PLEKHA7: variants seen among roughly 807,000 people sequenced by gnomAD.
PLEKHA7 encodes pleckstrin homology domain-containing family A member 7.
A neutral mutation model predicts 170.0 loss-of-function variants in PLEKHA7; 104 were observed. The ratio of observed to expected loss-of-function variants is 0.61; its 90% confidence interval spans 0.52 to 0.72. The LOEUF (loss-of-function observed/expected upper bound fraction) is 0.72, where lower values mean the gene tolerates loss of function less well. Among genes scored for constraint, PLEKHA7 ranks in the 30% least tolerant of loss-of-function variants. The pLI, the probability that PLEKHA7 is intolerant of heterozygous loss-of-function variation, is 0.00. For synonymous variants in PLEKHA7, 648 were observed against 660.8 expected, an observed-to-expected ratio of 0.98 and a Z score of 0.30; for missense variants, 1,615 against 1,671.7, an observed-to-expected ratio of 0.97 and a Z score of 0.59.
At chr11:16,942,448 T>C (rs527427167) in intron 3 of PLEKHA7, among the ~76,000 whole-genome samples, 90 of 152,328 alleles carry the variant, frequency 5.9e-4, no homozygotes, top group African/African-American at 2.1e-3. Flanking sequence ...TTCACTGCTC[T>C]GAACTCCCAG....
At chr11:16,955,444 C>T (rs78497724) in intron 3 of PLEKHA7, among the ~76,000 whole-genome samples, 3,209 of 152,284 alleles carry the variant, frequency 0.021, 54 homozygotes, top group Middle Eastern at 0.054. Context: ...TCCCACTGAA[C>T]TGGGCTTAAA....
intron 9 of PLEKHA7, among the ~76,000 whole-genome samples, chr11:16,837,303 A>C (rs1360545413): frequency 6.6e-6 from 1 of 152,248 alleles, no homozygotes; most frequent in East Asian, 1.9e-4. Context: ...GATGCTAAAA[A>C]ATACCCAAAT....
chr11:16,790,708 C>A (rs909778421), intron 21 of PLEKHA7, 90 bp downstream of exon 21: 2 of 1,327,008 alleles, frequency 1.5e-6, no homozygotes, highest in Non-Finnish European at 2.1e-6. Context: ...AGGCCTAGAG[C>A]TGCAGGCAGA....
At position 16,783,755 on chromosome 11, in the gene PLEKHA7, GCTC is replaced by G; in HGVS notation, c.3592_3594del (p.Glu1198del). ...TCGGCTTTGCGGTACCGCGCCTGCA[GCTC>G]CTCAAGGCTGGGTGGCTCTTCGGGA... On this transcript the variant is annotated inframe_deletion, in exon 25 of 27. Transcript: ENST00000531066. The G allele has an allele frequency of 2.0e-6, 3 of 1,510,622 alleles. No homozygotes were observed. Among genetic ancestry groups the G allele is most frequent in the South Asian group, 1.2e-5 (1 of 80,380 alleles). The allele number at this position is 1,510,622 out of a possible 1,614,324, so 93.6% of individuals were successfully genotyped here. A position where few individuals can be genotyped will look rare whatever the true frequency, so the allele number is the denominator to read the frequency against.
Position 17,014,383 on chromosome 11 carries a change from C to A in PLEKHA7, c.19G>T (p.Gly7Trp). The A allele has an allele frequency of 7.2e-7, 1 of 1,380,800 alleles. No individual in the cohort carries two copies. Among genetic ancestry groups the A allele is most frequent in the East Asian group, 3.2e-5 (1 of 30,876 alleles). 85.5% of individuals were successfully genotyped at this position (1,380,800 alleles called of 1,614,324 possible). MAAATVGRDTLPEHWSY... is the reference protein window; with the variant it reads MAAATVWRDTLPEHWSY... ...CAATGCTCAGGTAAAGTGTCCCGCC[C>A]GACCGTCGCCGCCGCCATGTTCGCC... Residue 7 changes from glycine to tryptophan, a missense_variant, in exon 1 of 27, where the codon GGG (glycine) becomes TGG (tryptophan). Gly to Trp is a radical substitution (Grantham distance 184, BLOSUM62 -2). Transcript: ENST00000531066.
chr11:17,000,614 T>TTGAA (rs1367862800), intron 3 of PLEKHA7, among the ~76,000 whole-genome samples: 1 of 152,192 alleles, frequency 6.6e-6, no homozygotes, highest in Admixed American at 6.5e-5. Flanking sequence ...CCAGGCCACA[T>TTGAA]TTCACCTTAG....
chr11:16,809,696 G>C (rs1038743454), intron 13 of PLEKHA7, among the ~76,000 whole-genome samples: 1 of 152,196 alleles, frequency 6.6e-6, no homozygotes, highest in Non-Finnish European at 1.5e-5. Flanking sequence ...AGCCTCAGTT[G>C]TACCCTAGTG....
In PLEKHA7 at chr11:16,782,775, G is replaced by A. The variant is rs1222220199; in HGVS notation, c.3772C>T (p.Gln1258Ter). 1.3e-6 allele frequency: 2 copies of A among 1,536,154 alleles called. No homozygotes were observed. Among genetic ancestry groups the A allele is most frequent in the Non-Finnish European group, 8.7e-7 (1 of 1,146,894 alleles). ...TTACCTGCCACCTGCTTGCTACGCT[G>A]GGAGGCCTCGGAGGCCAGGGCGTAG... is the stretch of plus-strand genomic sequence containing the variant. ...ISYALASEAS[Q>*]RSKQVAAQAV... The change falls in exon 26 of 27, where the codon CAG (glutamine) becomes TAG (stop). Residue 1258 changes from glutamine to a stop codon, truncating the protein, a stop_gained. Transcript: ENST00000531066. LOFTEE classifies it high-confidence loss of function.
At chr11:16,847,829 C>T (rs1040262460) in intron 8 of PLEKHA7, among the ~76,000 whole-genome samples, 18 of 122,078 alleles carry the variant, frequency 1.5e-4, no homozygotes, top group South Asian at 1.4e-3. Flanking sequence ...GCGACAAGAG[C>T]GAAATTCTGT....
At position 16,856,360 on chromosome 11, in the gene PLEKHA7, C is replaced by T. The variant is rs141745940; in HGVS notation, c.306-446G>A. Among the ~76,000 whole-genome samples the T allele has an allele frequency of 8.6e-3, 1,317 of 152,284 alleles. 21 individuals carry two copies. Among genetic ancestry groups the T allele is most frequent in the African/African-American group, 0.029 (1,218 of 41,556 alleles). On this transcript the variant is annotated intron_variant, in intron 4 of 26. Transcript: ENST00000531066. ...ATAATTAGTAACAAGAAATCACTTGCGCACACAACCACACCCCCAGCTACA... is the reference window on the plus strand; with the variant it reads ...ATAATTAGTAACAAGAAATCACTTGTGCACACAACCACACCCCCAGCTACA...
At chr11:16,937,718 C>T (rs1007231639) in intron 3 of PLEKHA7, among the ~76,000 whole-genome samples, 26 of 152,078 alleles carry the variant, frequency 1.7e-4, no homozygotes, top group Non-Finnish European at 3.7e-4. Context: ...AAGCGAGTCT[C>T]CTGCCTCAGC....
At chr11:16,802,660 G>A (rs903362132) in intron 15 of PLEKHA7, among the ~76,000 whole-genome samples, 2 of 151,834 alleles carry the variant, frequency 1.3e-5, no homozygotes, top group Non-Finnish European at 2.9e-5. Context: ...CAATTCTTCT[G>A]CCTCAGCCTC....
intron 3 of PLEKHA7, among the ~76,000 whole-genome samples, chr11:16,992,942 C>T (rs768722075): frequency 1.3e-5 from 2 of 152,164 alleles, no homozygotes; most frequent in African/African-American, 4.8e-5. Flanking sequence ...AAGTGCCTCA[C>T]TGGTTGTGAA....
In PLEKHA7 at chr11:16,791,320, G is replaced by A; in HGVS notation, c.2746-121C>T. Reference sequence around the variant, plus strand: ...AGGCCACATCAGAGCCACAGAACATGACTGCCTCAGCCAAGGAGCACTCAC... The same window carrying A: ...AGGCCACATCAGAGCCACAGAACATAACTGCCTCAGCCAAGGAGCACTCAC... On this transcript the variant is annotated intron_variant, in intron 19 of 26. Transcript: ENST00000531066. The surrounding 1 kb of genome is among the most constrained non-coding windows in gnomAD (Gnocchi z 4.5). 3.2e-6 allele frequency: 3 copies of A among 950,088 alleles called. No individual in the cohort carries two copies. Among genetic ancestry groups the A allele is most frequent in the Non-Finnish European group, 4.7e-6 (3 of 642,522 alleles). 58.9% of individuals were successfully genotyped at this position (950,088 alleles called of 1,614,324 possible). A position where few individuals can be genotyped will look rare whatever the true frequency, so the allele number is the denominator to read the frequency against.
At position 16,817,606 on chromosome 11, in the gene PLEKHA7, C is replaced by T. The variant is rs1590213537; in HGVS notation, c.1344-284G>A. 5.9e-5 allele frequency among the ~76,000 whole-genome samples: 9 copies of T among 152,312 alleles called. No individual in the cohort carries two copies. The highest frequency in any genetic ancestry group is 3.9e-4 in the East Asian group (2 of 5,186). Reference sequence around the variant, plus strand: ...TAAACCTGGCTTTTCCTTCTCTCTCCGCTGCCAGCAGTCAGCTCTTTCAAT... The same window carrying T: ...TAAACCTGGCTTTTCCTTCTCTCTCTGCTGCCAGCAGTCAGCTCTTTCAAT... On this transcript the variant is annotated intron_variant, in intron 10 of 26. Transcript: ENST00000531066. This position sits in a 1 kb window ranked among gnomAD's most constrained non-coding sequence, Gnocchi z 4.4.
At chr11:16,832,943 C>T (rs897017388) in intron 9 of PLEKHA7, among the ~76,000 whole-genome samples, 3 of 152,208 alleles carry the variant, frequency 2.0e-5, no homozygotes, top group African/African-American at 7.2e-5. Context: ...CCAGAACCCA[C>T]TCTGGGCATA....
intron 3 of PLEKHA7, among the ~76,000 whole-genome samples, chr11:16,946,572 T>TGCAAA (rs1225973615): frequency 6.6e-6 from 1 of 152,204 alleles, no homozygotes; most frequent in East Asian, 1.9e-4. Context: ...CCAAGAGGTT[T>TGCAAA]GCAAAATCAG....
At chr11:16,954,764 C>T (rs1363893638) in intron 3 of PLEKHA7, among the ~76,000 whole-genome samples, 4 of 151,496 alleles carry the variant, frequency 2.6e-5, no homozygotes, top group Non-Finnish European at 5.9e-5. Flanking sequence ...AATCTCGGCT[C>T]ACTGCAACCT....
intron 25 of PLEKHA7, among the ~76,000 whole-genome samples, chr11:16,783,377 T>C (rs1564899329): frequency 6.6e-6 from 1 of 152,234 alleles, no homozygotes; most frequent in Non-Finnish European, 1.5e-5. Flanking sequence ...TCACTGGAGC[T>C]GATCTCCAAC....
Sources: gnomAD v4.1 joint callset for allele counts (sites outside exome capture counted in the v4.1 genomes callset) on GRCh38, gnomAD v4.1.1 for gene constraint, Gnocchi (gnomAD v3.1) non-coding constraint, MANE v1.5 for transcripts, NCBI Gene and HGNC (gene_info 2026-07-23, HGNC 2026-07-21) for gene names.